RYR2: variants seen among roughly 807,000 people sequenced by gnomAD.
The protein encoded by RYR2 is ryanodine receptor 2, also known as cardiac muscle ryanodine receptor-calcium release channel.
Under a neutral mutation model 601.1 loss-of-function variants are expected in RYR2, and 227 were observed. That is an observed-to-expected ratio of 0.38 (90% CI 0.34 to 0.42). The LOEUF (loss-of-function observed/expected upper bound fraction) is 0.42. Among genes scored for constraint, RYR2 ranks in the 10% least tolerant of loss-of-function variants. RYR2 has a pLI of 1.00. For synonymous variants in RYR2, 2,223 were observed against 2,175.1 expected, an observed-to-expected ratio of 1.02 and a Z score of -0.61; for missense variants, 4,646 against 6,156.5, an observed-to-expected ratio of 0.75 and a Z score of 8.21.
At chr1:237,802,599 G>A (rs1011156381) in intron 98 of RYR2, among the ~76,000 whole-genome samples, 7 of 152,156 alleles carry the variant, frequency 4.6e-5, no homozygotes, top group African/African-American at 1.7e-4. Context: ...TCAAAATCAG[G>A]TCTTCCAAGT....
At chr1:237,290,667 T>G (rs1012495217) in intron 2 of RYR2, among the ~76,000 whole-genome samples, 1 of 151,982 alleles carries the variant, frequency 6.6e-6, no homozygotes, top group Non-Finnish European at 1.5e-5. Context: ...CAGAGCAACA[T>G]AAAAACAGCA....
At chr1:237,075,083 G>T (rs991560698) in intron 1 of RYR2, among the ~76,000 whole-genome samples, 2 of 152,126 alleles carry the variant, frequency 1.3e-5, no homozygotes, top group African/African-American at 2.4e-5. Flanking sequence ...TCTCATGTAG[G>T]TTTTATGCTT....
At chr1:237,586,273 A>C (rs1359894783) in intron 29 of RYR2, among the ~76,000 whole-genome samples, 1 of 152,208 alleles carries the variant, frequency 6.6e-6, no homozygotes, top group East Asian at 1.9e-4. Flanking sequence ...CCTAAAGATG[A>C]CTTTTAATGG....
At position 237,295,702 on chromosome 1, in the gene RYR2, T is replaced by C. The variant is rs1692694735; in HGVS notation, c.168+25086T>C. Among the ~76,000 whole-genome samples the C allele has an allele frequency of 2.0e-5, 3 of 152,214 alleles. No individual in the cohort carries two copies. In the South Asian group the frequency reaches 6.2e-4, roughly 31 times the overall value. ...GAACATTGTCTAAAATGAATAGATGTAATTGGGATCTTTTAATATATGTGA... is the reference window on the plus strand; with the variant it reads ...GAACATTGTCTAAAATGAATAGATGCAATTGGGATCTTTTAATATATGTGA... On this transcript the variant is annotated intron_variant, in intron 2 of 104. Transcript: ENST00000366574.
At chr1:237,529,153 G>A (rs1667867257) in intron 24 of RYR2, among the ~76,000 whole-genome samples, 1 of 152,090 alleles carries the variant, frequency 6.6e-6, no homozygotes, top group East Asian at 1.9e-4. Context: ...AAATCTTCCT[G>A]TCCTCTGGAT....
chr1:237,331,770 T>C (rs1335308371), intron 3 of RYR2, among the ~76,000 whole-genome samples: 6 of 151,826 alleles, frequency 4.0e-5, no homozygotes, highest in Admixed American at 2.0e-4. Flanking sequence ...CACCTTGGCC[T>C]CCCAAAGTGC....
At chr1:237,667,381 T>A (rs1388710981) in intron 57 of RYR2, among the ~76,000 whole-genome samples, 4 of 152,156 alleles carry the variant, frequency 2.6e-5, no homozygotes, top group African/African-American at 9.7e-5. Flanking sequence ...AAATCAAATG[T>A]AGAAAGAATC....
At chr1:237,758,295 A>C (rs770124583) in intron 82 of RYR2, among the ~76,000 whole-genome samples, 14 of 152,184 alleles carry the variant, frequency 9.2e-5, no homozygotes, top group Non-Finnish European at 1.6e-4. Flanking sequence ...AGATCCTGTA[A>C]TGTATACTTC....
rs776700027 is a variant in RYR2, at chr1:237,496,723, A to G, written c.2174A>G (p.Tyr725Cys). ...GNGVGDDLFS[Y>C]GFDGLHLWSG... Reference sequence around the variant, plus strand: ...GGTGTTGGAGATGATCTCTTCTCCTATGGATTTGATGGCCTTCATCTCTGG... The same window carrying G: ...GGTGTTGGAGATGATCTCTTCTCCTGTGGATTTGATGGCCTTCATCTCTGG... Residue 725 changes from tyrosine (Y) to cysteine (C), a missense_variant, in exon 20 of 105, where the codon TAT (tyrosine) becomes TGT (cysteine). By Grantham distance (194) the Tyr-to-Cys change is radical (BLOSUM62 -2). Transcript: ENST00000366574. The G allele has an allele frequency of 2.1e-5, 34 of 1,613,706 alleles. No individual in the cohort carries two copies. Among genetic ancestry groups the G allele is most frequent in the South Asian group, 7.7e-5 (7 of 91,082 alleles).
At chr1:237,606,738 C>A (rs570923382) in intron 35 of RYR2, among the ~76,000 whole-genome samples, 178 of 152,132 alleles carry the variant, frequency 1.2e-3, no homozygotes, top group African/African-American at 4.1e-3. Flanking sequence ...AAGAAAAAAA[C>A]AAACAACCCC....
chr1:237,480,548 A>G (rs141666392), intron 17 of RYR2, among the ~76,000 whole-genome samples: 121 of 152,042 alleles, frequency 8.0e-4, no homozygotes, highest in African/African-American at 2.9e-3. Context: ...TTTAGTTGAC[A>G]TTCTCTTTTC....
At chr1:237,107,338 G>A (rs371386772) in intron 1 of RYR2, among the ~76,000 whole-genome samples, 1,572 of 150,966 alleles carry the variant, frequency 0.01, 13 homozygotes, top group Middle Eastern at 0.034. Flanking sequence ...TGGCTAACAC[G>A]GTGAAACCCC....
chr1:237,526,978 A>G (rs1431682540), intron 24 of RYR2, among the ~76,000 whole-genome samples: 1 of 152,168 alleles, frequency 6.6e-6, no homozygotes, highest in Non-Finnish European at 1.5e-5. Context: ...TAATTTTTGT[A>G]CATGGTGAGA....
intron 2 of RYR2, among the ~76,000 whole-genome samples, chr1:237,324,531 C>A (rs139953875): frequency 2.6e-5 from 4 of 152,186 alleles, no homozygotes; most frequent in African/African-American, 9.7e-5. Flanking sequence ...TAATTTATAT[C>A]TCTCTGATTC....
chr1:237,096,902 A>G (rs527770224), intron 1 of RYR2, among the ~76,000 whole-genome samples: 63 of 152,228 alleles, frequency 4.1e-4, no homozygotes, highest in African/African-American at 1.4e-3. Context: ...GAAATCCTGC[A>G]CCTTGAAGCA....
intron 101 of RYR2, among the ~76,000 whole-genome samples, chr1:237,828,108 T>C (rs1336975520): frequency 6.6e-6 from 1 of 152,204 alleles, no homozygotes; most frequent in African/African-American, 2.4e-5. Context: ...CATCTGTATA[T>C]GCCAAGTTAA....
At chr1:237,511,468 G>A (rs1665892958) in intron 23 of RYR2, among the ~76,000 whole-genome samples, 1 of 152,020 alleles carries the variant, frequency 6.6e-6, no homozygotes, top group African/African-American at 2.4e-5. Flanking sequence ...GTTCATGGAA[G>A]CTCTGTCAAA....
intron 48 of RYR2, among the ~76,000 whole-genome samples, chr1:237,644,242 G>GT (rs889396347): frequency 2.2e-4 from 34 of 151,300 alleles, no homozygotes; most frequent in Non-Finnish European, 4.7e-4. Flanking sequence ...TTGGTTTTTT[G>GT]TTTTTTTTGA....
rs551822541 is a variant in RYR2 at position 237,239,620 on chromosome 1, G to C, written c.49-30877G>C. Among the ~76,000 whole-genome samples, 305 of 152,228 alleles carry C rather than the reference G, an allele frequency of 2.0e-3. 1 individual carries two copies. The highest frequency in any genetic ancestry group is 0.014 in the Middle Eastern group (4 of 294). On this transcript the variant is annotated intron_variant, in intron 1 of 104. Transcript: ENST00000366574. ...GGAGCCTCCATGTTGAATATACCTG[G>C]CTATCTATGTTTGCAGCTTGATTTT...
Sources: allele counts gnomAD v4.1 joint callset (sites outside exome capture counted in the v4.1 genomes callset), GRCh38; gene constraint gnomAD v4.1.1; transcripts MANE v1.5; gene names NCBI Gene and HGNC (gene_info 2026-07-23, HGNC 2026-07-21).